The following LARP6 variants were observed in gnomAD, a reference collection of about 807,000 sequenced individuals.
The protein encoded by LARP6 is la-related protein 6.
LARP6 carries 18 observed loss-of-function variants against 32.8 expected under a neutral mutation model. That is an observed-to-expected ratio of 0.55 (90% CI 0.38 to 0.81). The LOEUF (loss-of-function observed/expected upper bound fraction) is 0.81, where lower values mean the gene tolerates loss of function less well. LARP6 is among the 40% of genes least tolerant of loss of function. The probability of loss-of-function intolerance (pLI) is 0.00; values close to 1 mark genes in which losing one functional copy is unlikely to be tolerated. For synonymous variants in LARP6, 289 were observed against 267.2 expected (o/e 1.08, Z -0.80); for missense variants, 598 against 663.1 (o/e 0.90, Z 1.08).
chr15:70,851,780 C>T (rs1437066955), intron 1 of LARP6: 1 of 1,608,882 alleles, frequency 6.2e-7, no homozygotes, highest in Non-Finnish European at 8.5e-7. Flanking sequence ...ATAAAATGTA[C>T]AGAGTACTAC....
chr15:70,848,502 T>C (rs1245861893), intron 1 of LARP6, among the ~76,000 whole-genome samples: 1 of 151,918 alleles, frequency 6.6e-6, no homozygotes, highest in Non-Finnish European at 1.5e-5. Context: ...GAGGCCAAGG[T>C]GGCCAGATTA....
intron 1 of LARP6, among the ~76,000 whole-genome samples, chr15:70,840,934 G>A (rs1347855460): frequency 1.4e-5 from 2 of 140,870 alleles, no homozygotes; most frequent in African/African-American, 5.2e-5. Flanking sequence ...TTTTTTAAGA[G>A]ACAGAGTCTC....
chr15:70,846,513 G>A (rs2032347904), intron 1 of LARP6, among the ~76,000 whole-genome samples: 1 of 152,092 alleles, frequency 6.6e-6, no homozygotes, highest in Admixed American at 6.6e-5. Flanking sequence ...GGAGGCTGAG[G>A]TGGGAGGATT....
rs191580624 is a variant in LARP6, at chr15:70,846,319, C to T, written c.200+7570G>A. ...CCTGTTAAATAAAATTCAAACTCTT[C>T]GGCTCCCAACCAGGCACGGTGGCTC... On this transcript the variant is annotated intron_variant, in intron 1 of 2. Transcript: ENST00000299213. Among the ~76,000 whole-genome samples, 361 of 152,224 alleles carry T rather than the reference C, an allele frequency of 2.4e-3. 9 individuals are homozygous for T. The highest frequency in any genetic ancestry group is 0.02 in the Admixed American group (311 of 15,282).
rs1567022683 is a variant in LARP6 at position 70,845,230 on chromosome 15, G to A, written c.200+8659C>T. 2.0e-5 allele frequency among the ~76,000 whole-genome samples: 3 copies of A among 152,046 alleles called. No individual in the cohort carries two copies. The Middle Eastern group carries it at 0.01, about 517-fold the overall frequency. On this transcript the variant is annotated intron_variant, in intron 1 of 2. Coordinates refer to ENST00000299213, the MANE Select transcript of LARP6 (RefSeq NM_018357.4). ...TCAGATTTCCTTAGTTTTGCCTATT[G>A]TCCCTTTTTCCGTTCCAGGATCCCA...
chr15:70,845,568 C>T (rs868469093), intron 1 of LARP6, among the ~76,000 whole-genome samples: 6 of 152,318 alleles, frequency 3.9e-5, no homozygotes, highest in Admixed American at 6.5e-5. Flanking sequence ...TAGTGTTTGT[C>T]GGGTTTCTCC....
chr15:70,838,798 A>T (rs1041051884), intron 1 of LARP6, among the ~76,000 whole-genome samples: 1 of 152,048 alleles, frequency 6.6e-6, no homozygotes, highest in Non-Finnish European at 1.5e-5. Context: ...TGGTTTAGCA[A>T]CTCAATGTCA....
rs10634375 is a variant in LARP6 at position 70,838,912 on chromosome 15, C to CACAAAAAAAAAAAA, written c.201-2408_201-2407insTTTTTTTTTTTTGT. ...AAATTTTCACTGGCTCTCAGCCTCA[C>CACAAAAAAAAAAAA]AAAAAAAAAAAAAAAGAAAAGAAGC... On this transcript the variant is annotated intron_variant, in intron 1 of 2. Coordinates refer to ENST00000299213, the MANE Select transcript of LARP6 (RefSeq NM_018357.4). Among the ~76,000 whole-genome samples, 70 of 102,592 alleles carry CACAAAAAAAAAAAA rather than the reference C, an allele frequency of 6.8e-4. 1 individual carries two copies. Among genetic ancestry groups the CACAAAAAAAAAAAA allele is most frequent in the East Asian group, 1.1e-3 (4 of 3,668 alleles). The allele number at this position is 102,592 out of a possible 152,430, so 67.3% of individuals were successfully genotyped here.
chr15:70,835,769 C>T (rs1444039765), intron 2 of LARP6, among the ~76,000 whole-genome samples: 3 of 152,174 alleles, frequency 2.0e-5, no homozygotes, highest in Admixed American at 1.3e-4. Flanking sequence ...GCCCAGATGG[C>T]AGCAATAATT....
chr15:70,848,222 G>A (rs539271260), intron 1 of LARP6, among the ~76,000 whole-genome samples: 6 of 152,274 alleles, frequency 3.9e-5, no homozygotes, highest in East Asian at 1.9e-4. Context: ...TTATGCTTGC[G>A]TGGCCCATGG....
At chr15:70,847,963 A>T (rs747700554) in intron 1 of LARP6, among the ~76,000 whole-genome samples, 1 of 152,148 alleles carries the variant, frequency 6.6e-6, no homozygotes, top group Non-Finnish European at 1.5e-5. Flanking sequence ...TCATTTATGA[A>T]AAACACTAGG....
Position 70,853,971 on chromosome 15 carries a change from T to C in LARP6, c.118A>G (p.Thr40Ala). ...ELEDEEEGAE[T>A]RGAGDPARYL... ...CGGGCCGGGTCCCCGGCGCCCCGAG[T>C]CTCCGCCCCCTCCTCCTCGTCCTCC... Residue 40 changes from threonine (T) to alanine (A), a missense_variant, in exon 1 of 3, where the codon ACT becomes GCT. Thr to Ala is a moderately conservative substitution (Grantham distance 58). Around this residue, in one of 3 missense-constraint regions of LARP6, gnomAD observed 161 missense variants for 148.6 expected, o/e 1.08. Transcript: ENST00000299213. 6.9e-7 allele frequency: 1 copy of C among 1,458,398 alleles called. No homozygotes were observed. The highest frequency in any genetic ancestry group is 9.1e-7 in the Non-Finnish European group (1 of 1,100,204). 90.3% of individuals were successfully genotyped at this position (1,458,398 alleles called of 1,614,324 possible).
rs1159785240 is a variant in LARP6 at position 70,831,281 on chromosome 15, C to T, written c.*771G>A. The T allele has an allele frequency of 6.6e-6, 1 of 152,362 alleles. No homozygotes were observed. The highest frequency in any genetic ancestry group is 2.4e-5 in the African/African-American group (1 of 41,446). 9.4% of individuals were successfully genotyped at this position (152,362 alleles called of 1,614,324 possible). A position where few individuals can be genotyped will look rare whatever the true frequency, so the allele number is the denominator to read the frequency against. On this transcript the variant is annotated 3_prime_UTR_variant, in exon 3 of 3. Transcript: ENST00000299213. ...GAGACACCACTCAGGCTGCCAGAAG[C>T]CCAAGGAGAGCCCTGGGGCTGCCCT...
At chr15:70,848,384 AGACTACGTATATCAG>A (rs1271389080) in intron 1 of LARP6, among the ~76,000 whole-genome samples, 2 of 152,218 alleles carry the variant, frequency 1.3e-5, no homozygotes, top group Non-Finnish European at 2.9e-5. Context: ...TTTGGAGTAG[AGACTACGTATATCAG>A]GCACTTAGTT....
At chr15:70,851,925 G>A (rs1223360369) in intron 1 of LARP6, 16 of 687,782 alleles carry the variant, frequency 2.3e-5, no homozygotes, top group Admixed American at 1.2e-4. Flanking sequence ...GCAGAGGCAT[G>A]TAGACACAAA....
At chr15:70,844,195 G>A (rs1356934096) in intron 1 of LARP6, among the ~76,000 whole-genome samples, 8 of 152,084 alleles carry the variant, frequency 5.3e-5, no homozygotes, top group Non-Finnish European at 1.2e-4. Context: ...GACCTCATGT[G>A]ATCTGCCTGC....
intron 1 of LARP6, among the ~76,000 whole-genome samples, chr15:70,837,941 T>C (rs940398907): frequency 1.6e-4 from 24 of 152,208 alleles, no homozygotes; most frequent in African/African-American, 5.3e-4. Context: ...TAATGAGATA[T>C]CTCAAGGATG....
rs1474834148 is a variant in LARP6 at position 70,849,689 on chromosome 15, AC to A, written c.200+4199del. 24 of 152,230 alleles carry A rather than the reference AC, an allele frequency of 1.6e-4. 1 individual carries two copies. Among genetic ancestry groups the A allele is most frequent in the Admixed American group, 7.2e-4 (11 of 15,286 alleles). 9.4% of individuals were successfully genotyped at this position (152,230 alleles called of 1,614,324 possible). A position where few individuals can be genotyped will look rare whatever the true frequency, so the allele number is the denominator to read the frequency against. ...AGGGGGTCTGCTGGCTGCAATATAG[AC>A]ATTTTGAGCACCAAAAATGACTGTG... On this transcript the variant is annotated intron_variant, in intron 1 of 2. Transcript: ENST00000299213.
intron 1 of LARP6, among the ~76,000 whole-genome samples, chr15:70,845,189 A>G (rs2032323976): frequency 1.3e-5 from 2 of 152,094 alleles, no homozygotes; most frequent in Non-Finnish European, 1.5e-5. Context: ...ATTATTACCT[A>G]AAGTCCATAT....
Sources: allele counts gnomAD v4.1 joint callset (sites outside exome capture counted in the v4.1 genomes callset), GRCh38; gene constraint gnomAD v4.1.1; regional missense constraint gnomAD v4.1.1; transcripts MANE v1.5; gene names NCBI Gene and HGNC (gene_info 2026-07-23, HGNC 2026-07-21).